The following PEX5L variants were observed in gnomAD, a reference collection of about 807,000 sequenced individuals.
The protein encoded by PEX5L is PEX5-related protein.
Under a neutral mutation model 84.0 loss-of-function variants are expected in PEX5L, and 30 were observed. The ratio of observed to expected loss-of-function variants is 0.36; its 90% CI spans 0.27 to 0.48. The LOEUF is 0.48. Among genes scored for constraint, PEX5L ranks in the 20% least tolerant of loss-of-function variants. The pLI is 0.99. For synonymous variants in PEX5L, 270 were observed against 283.1 expected (o/e 0.95, Z 0.46); for missense variants, 533 against 754.6 (o/e 0.71, Z 3.44).
chr3:179,949,313 T>A (rs1409255359), intron 2 of PEX5L, among the ~76,000 whole-genome samples: 2 of 152,252 alleles, frequency 1.3e-5, no homozygotes, highest in East Asian at 3.8e-4. Context: ...GAGCCCTTTT[T>A]GTTAAGCATC....
intron 1 of PEX5L, among the ~76,000 whole-genome samples, chr3:180,028,130 T>G (rs974350559): frequency 6.6e-6 from 1 of 152,212 alleles, no homozygotes; most frequent in African/African-American, 2.4e-5. Context: ...GTAAATACCT[T>G]ATTCCCATAC....
intron 8 of PEX5L, among the ~76,000 whole-genome samples, chr3:179,821,539 C>A (rs914936718): frequency 3.3e-5 from 5 of 152,204 alleles, no homozygotes; most frequent in African/African-American, 4.8e-5. Flanking sequence ...TAATCCCAGG[C>A]TACTAAATAG....
At chr3:179,917,989 A>G (rs1767837448) in intron 2 of PEX5L, among the ~76,000 whole-genome samples, 1 of 152,248 alleles carries the variant, frequency 6.6e-6, no homozygotes, top group South Asian at 2.1e-4. Context: ...GCATGACTGG[A>G]CCTAAATTAC....
In PEX5L at chr3:179,795,600, T is replaced by C. The variant is rs932401762; in HGVS notation, c.*6228A>G. On this transcript the variant is annotated 3_prime_UTR_variant, in exon 15 of 15. Coordinates refer to ENST00000467460, the MANE Select transcript of PEX5L (RefSeq NM_016559.3). ...CCCATTGCCATTAATTTACTATAGG[T>C]CACTTAATTTGAATTGGTATTAATT... is the stretch of plus-strand genomic sequence containing the variant. The C allele has an allele frequency of 3.3e-5, 5 of 152,180 alleles. No homozygotes were observed. Among genetic ancestry groups the C allele is most frequent in the African/African-American group, 1.2e-4 (5 of 41,424 alleles). The allele number at this position is 152,180 out of a possible 1,614,324, so 9.4% of individuals were successfully genotyped here. A position where few individuals can be genotyped will look rare whatever the true frequency, so the allele number is the denominator to read the frequency against.
At chr3:179,817,167 T>A (rs1726460764) in intron 9 of PEX5L, among the ~76,000 whole-genome samples, 1 of 152,230 alleles carries the variant, frequency 6.6e-6, no homozygotes, top group African/African-American at 2.4e-5. Context: ...TTGGGGGCTA[T>A]ATTGCCCCTG....
chr3:179,813,738 G>A (rs1437075563), intron 10 of PEX5L, among the ~76,000 whole-genome samples: 3 of 145,722 alleles, frequency 2.1e-5, no homozygotes, highest in Non-Finnish European at 4.5e-5. Flanking sequence ...TTGCAGTGGC[G>A]CAATCTCGGC....
chr3:179,986,479 C>T lies in PEX5L; in HGVS notation c.22-14814G>A, dbSNP rs1005659880. ...GTGCAGTGGCGCGATCTCGGCTCACCGCAAGCTCCGCCTCCCGGGTTCACG... is the reference window on the plus strand; with the variant it reads ...GTGCAGTGGCGCGATCTCGGCTCACTGCAAGCTCCGCCTCCCGGGTTCACG... On this transcript the variant is annotated intron_variant, in intron 1 of 14. Transcript: ENST00000467460. Among the ~76,000 whole-genome samples the T allele has an allele frequency of 3.3e-4, 50 of 150,306 alleles. No homozygotes were observed. The South Asian group carries it at 7.0e-3, about 21-fold the overall frequency.
rs550284771 is a variant in PEX5L at position 179,806,084 on chromosome 3, T to A, written c.1676+1590A>T. ...AATTATAACAATTACATTATATGTT[T>A]TATATATATATATGTATTTTGTTTT... On this transcript the variant is annotated intron_variant, in intron 14 of 14. Transcript: ENST00000467460. 3.3e-5 allele frequency among the ~76,000 whole-genome samples: 5 copies of A among 150,666 alleles called. No individual in the cohort carries two copies. The East Asian group carries it at 7.7e-4, about 23-fold the overall frequency.
At chr3:179,924,462 G>T (rs564824130) in intron 2 of PEX5L, among the ~76,000 whole-genome samples, 2 of 152,108 alleles carry the variant, frequency 1.3e-5, no homozygotes, top group Non-Finnish European at 2.9e-5. Context: ...AAACCTAAAC[G>T]CAAAGCTGAA....
intron 1 of PEX5L, chr3:179,973,081 G>T: frequency 1.3e-6 from 1 of 756,266 alleles, no homozygotes; most frequent in Non-Finnish European, 1.7e-6. Context: ...TTCACTGGTT[G>T]CCATAAGATT....
chr3:179,849,728 A>C (rs1395200008), intron 8 of PEX5L, among the ~76,000 whole-genome samples: 1 of 152,234 alleles, frequency 6.6e-6, no homozygotes, highest in African/African-American at 2.4e-5. Context: ...TAACTCCTCA[A>C]GGCTGGCTCA....
intron 2 of PEX5L, among the ~76,000 whole-genome samples, chr3:179,919,324 G>T (rs1439864358): frequency 6.6e-6 from 1 of 152,190 alleles, no homozygotes; most frequent in African/African-American, 2.4e-5. Context: ...ACAGCAAGCA[G>T]CCTCTCTCTA....
At chr3:179,953,046 C>T (rs576088915) in intron 2 of PEX5L, among the ~76,000 whole-genome samples, 1 of 152,240 alleles carries the variant, frequency 6.6e-6, no homozygotes, top group African/African-American at 2.4e-5. Flanking sequence ...ACTGGCTAGC[C>T]ATATGCAGAA....
intron 9 of PEX5L, among the ~76,000 whole-genome samples, chr3:179,817,159 G>C (rs954041718): frequency 3.9e-5 from 6 of 152,076 alleles, no homozygotes; most frequent in South Asian, 2.1e-4. Flanking sequence ...TTTGCCTGTT[G>C]GGGGCTATAT....
intron 2 of PEX5L, among the ~76,000 whole-genome samples, chr3:179,955,954 C>T (rs959960772): frequency 1.3e-5 from 2 of 152,096 alleles, no homozygotes; most frequent in Non-Finnish European, 2.9e-5. Context: ...TTTTAAATTG[C>T]TCTTAAACAC....
intron 8 of PEX5L, among the ~76,000 whole-genome samples, chr3:179,840,477 C>T (rs1736824389): frequency 6.6e-6 from 1 of 152,096 alleles, no homozygotes; most frequent in African/African-American, 2.4e-5. Flanking sequence ...ATGTGACCCA[C>T]CGTGCCCAGC....
intron 2 of PEX5L, among the ~76,000 whole-genome samples, chr3:179,946,470 A>G (rs879345587): frequency 5.9e-5 from 9 of 152,222 alleles, no homozygotes; most frequent in African/African-American, 9.6e-5. Flanking sequence ...GAGACTGAAG[A>G]AAGAAAAAAC....
intron 7 of PEX5L, among the ~76,000 whole-genome samples, chr3:179,873,911 AG>A (rs1226969171): frequency 6.6e-6 from 1 of 152,200 alleles, no homozygotes. Context: ...TGTGACAGTC[AG>A]GGTACCAATG....
intron 1 of PEX5L, among the ~76,000 whole-genome samples, chr3:180,022,826 A>G (rs899793918): frequency 1.3e-5 from 2 of 152,168 alleles, no homozygotes; most frequent in Non-Finnish European, 2.9e-5. Context: ...TCTGTACTCC[A>G]CTAAGCAAGT....
Sources: allele counts gnomAD v4.1 joint callset (sites outside exome capture counted in the v4.1 genomes callset), GRCh38; gene constraint gnomAD v4.1.1; transcripts MANE v1.5; gene names NCBI Gene and HGNC (gene_info 2026-07-23, HGNC 2026-07-21).